Variants in NRP1 observed in about 807,000 individuals in gnomAD.
The protein encoded by NRP1 is neuropilin 1.
A neutral mutation model predicts 106.7 loss-of-function variants in NRP1; 35 were observed. That is an observed-to-expected ratio of 0.33 (90% CI 0.25 to 0.43). The LOEUF is 0.43. Ranked by LOEUF, NRP1 falls within the 20% of genes least tolerant of loss-of-function variation. The probability of loss-of-function intolerance (pLI) is 1.00; values close to 1 mark genes in which losing one functional copy is unlikely to be tolerated. For missense variants in NRP1, 1,024 were observed against 1,170.4 expected, an observed-to-expected ratio of 0.87 and a Z score of 1.83; for synonymous variants, 437 against 417.9, an observed-to-expected ratio of 1.05 and a Z score of -0.56.
intron 6 of NRP1, among the ~76,000 whole-genome samples, chr10:33,234,342 C>T (rs771685529): frequency 5.9e-5 from 9 of 152,138 alleles, no homozygotes; most frequent in South Asian, 2.1e-4. Flanking sequence ...ACTGGTGGCC[C>T]GTGTATGAGC....
At position 33,213,471 on chromosome 10, in the gene NRP1, A is replaced by G; in HGVS notation, c.1529T>C (p.Val510Ala). Residue 510 changes from valine to alanine, a missense_variant, in exon 9 of 17, where the codon GTG becomes GCG. By Grantham distance (64) the Val-to-Ala change is moderately conservative. This residue lies in a region of NRP1 where 562 missense variants were observed against 620.3 expected (regional missense o/e 0.91). Coordinates refer to ENST00000374867, the MANE Select transcript of NRP1 (RefSeq NM_003873.7). ...IQGGKHRENK[V>A]FMRKFKIGYS... is the part of the protein sequence containing the mutation. ...CCCGATCTTGAACTTCCTCATGAAC[A>G]CCTTGTTCTCTCGGTGCTTCCCACC... 1 of 1,610,626 alleles carries G rather than the reference A, an allele frequency of 6.2e-7. No individual in the cohort carries two copies. Among genetic ancestry groups the G allele is most frequent in the Non-Finnish European group, 8.5e-7 (1 of 1,178,970 alleles).
intron 9 of NRP1, 104 bp downstream of exon 9, chr10:33,213,282 A>G (rs1416292715): frequency 2.5e-6 from 4 of 1,613,464 alleles, no homozygotes; most frequent in East Asian, 4.5e-5. Context: ...CTCTAATGTC[A>G]TGGCTGGAAG....
intron 6 of NRP1, among the ~76,000 whole-genome samples, chr10:33,239,794 C>G (rs1250342476): frequency 3.9e-5 from 6 of 152,224 alleles, no homozygotes. Context: ...CAAACCTCGT[C>G]TCAACCTTCT....
intron 3 of NRP1, among the ~76,000 whole-genome samples, chr10:33,265,125 A>G (rs2284938): frequency 0.14 from 21,389 of 151,820 alleles, 1,667 homozygotes; most frequent in Middle Eastern, 0.22. Flanking sequence ...AAAAACAAAC[A>G]AACAAACAAA....
intron 6 of NRP1, among the ~76,000 whole-genome samples, chr10:33,236,143 C>T (rs553334862): frequency 1.7e-4 from 26 of 152,288 alleles, no homozygotes; most frequent in African/African-American, 5.8e-4. Context: ...AAAGAGGACA[C>T]GCTGTCAGAA....
chr10:33,257,805 A>G (rs918300230), intron 4 of NRP1, among the ~76,000 whole-genome samples: 1 of 152,148 alleles, frequency 6.6e-6, no homozygotes, highest in African/African-American at 2.4e-5. Flanking sequence ...CAAGCCACAC[A>G]TAAAAAAGTC....
intron 2 of NRP1, among the ~76,000 whole-genome samples, chr10:33,309,856 C>A (rs1326005478): frequency 6.6e-6 from 1 of 152,192 alleles, no homozygotes; most frequent in Non-Finnish European, 1.5e-5. Context: ...CCCAGTTTCC[C>A]GTTTCTCAAG....
chr10:33,232,223 A>G (rs1220600330), intron 6 of NRP1, among the ~76,000 whole-genome samples: 1 of 152,212 alleles, frequency 6.6e-6, no homozygotes. Context: ...TGGAGGGTTC[A>G]TCGTCCTAAA....
intron 2 of NRP1, among the ~76,000 whole-genome samples, chr10:33,303,217 C>A (rs1192450618): frequency 6.6e-6 from 1 of 152,088 alleles, no homozygotes; most frequent in African/African-American, 2.4e-5. Context: ...TCAAAGTGTA[C>A]CAAAACAAAC....
intron 2 of NRP1, among the ~76,000 whole-genome samples, chr10:33,304,809 T>C (rs1429016690): frequency 6.6e-6 from 1 of 152,230 alleles, no homozygotes; most frequent in African/African-American, 2.4e-5. Flanking sequence ...CCTTGAAAGC[T>C]TCTGGTGGAA....
intron 6 of NRP1, among the ~76,000 whole-genome samples, chr10:33,239,792 G>A (rs578164825): frequency 5.3e-5 from 8 of 152,120 alleles, no homozygotes; most frequent in African/African-American, 1.2e-4. Flanking sequence ...CTCAAACCTC[G>A]TCTCAACCTT....
At chr10:33,281,506 G>C (rs1340439640) in intron 2 of NRP1, among the ~76,000 whole-genome samples, 1 of 152,174 alleles carries the variant, frequency 6.6e-6, no homozygotes, top group Non-Finnish European at 1.5e-5. Flanking sequence ...CATTAAGAAG[G>C]ATCACCATCT....
At chr10:33,213,021 T>G (rs954356011) in intron 9 of NRP1, 1 of 555,422 alleles carries the variant, frequency 1.8e-6, no homozygotes, top group Non-Finnish European at 3.2e-6. Flanking sequence ...GGGGTAGGTT[T>G]GAGATGGGGG....
Position 33,330,858 on chromosome 10 carries a change from A to G in NRP1, c.98T>C (p.Ile33Thr). Residue 33 changes from isoleucine to threonine, a missense_variant, in exon 2 of 17, where the codon ATT (isoleucine) becomes ACT (threonine). Ile to Thr is a moderately conservative substitution (Grantham distance 89). Coordinates refer to ENST00000374867, the MANE Select transcript of NRP1 (RefSeq NM_003873.7). The part of the protein sequence containing the change: ...RNDKCGDTIK[I>T]ESPGYLTSPG... ...AGATGTAAGGTACCCGGGGCTTTCA[A>G]TTTTTATAGTATCGCCACATTTATC... 3.7e-6 allele frequency: 6 copies of G among 1,608,770 alleles called. No homozygotes were observed. The highest frequency in any genetic ancestry group is 5.1e-6 in the Non-Finnish European group (6 of 1,177,098).
At chr10:33,242,748 C>G (rs891653958) in intron 6 of NRP1, among the ~76,000 whole-genome samples, 2 of 152,116 alleles carry the variant, frequency 1.3e-5, no homozygotes, top group African/African-American at 4.8e-5. Flanking sequence ...TTTGGGTCTA[C>G]CTGGGTCTTG....
At chr10:33,204,796 A>G (rs1317164452) in intron 10 of NRP1, among the ~76,000 whole-genome samples, 1 of 151,984 alleles carries the variant, frequency 6.6e-6, no homozygotes, top group East Asian at 1.9e-4. Flanking sequence ...CAATGGCATG[A>G]TCTCAGCTCA....
At chr10:33,192,739 C>T (rs1293054462) in intron 12 of NRP1, among the ~76,000 whole-genome samples, 1 of 152,160 alleles carries the variant, frequency 6.6e-6, no homozygotes, top group African/African-American at 2.4e-5. Context: ...CTGCACTCTC[C>T]CCATTTCCAC....
chr10:33,203,503 A>T (rs1206826491), intron 10 of NRP1, among the ~76,000 whole-genome samples: 1 of 149,318 alleles, frequency 6.7e-6, no homozygotes, highest in Non-Finnish European at 1.5e-5. Context: ...GTTTTTTTAA[A>T]AAAAAACAAA....
In NRP1 at chr10:33,269,811, G is replaced by A. The variant is rs192837778; in HGVS notation, c.430+864C>T. Among the ~76,000 whole-genome samples the A allele has an allele frequency of 5.3e-5, 8 of 152,262 alleles. No homozygotes were observed. The South Asian group carries it at 6.2e-4, about 12-fold the overall frequency. On this transcript the variant is annotated intron_variant, in intron 3 of 16. Coordinates refer to ENST00000374867, the MANE Select transcript of NRP1 (RefSeq NM_003873.7). Reference sequence around the variant, plus strand: ...TGTGTGTGCAAGAAATCCAGGTTGCGCACTCCTTATACGAGAATCTAATGC... The same window carrying A: ...TGTGTGTGCAAGAAATCCAGGTTGCACACTCCTTATACGAGAATCTAATGC...
Sources: gnomAD v4.1 joint callset for allele counts (sites outside exome capture counted in the v4.1 genomes callset) on GRCh38, gnomAD v4.1.1 for gene constraint, gnomAD v4.1.1 regional missense constraint, MANE v1.5 for transcripts, NCBI Gene and HGNC (gene_info 2026-07-23, HGNC 2026-07-21) for gene names.